Variants in GRIP1 observed in about 807,000 individuals in gnomAD.
The protein encoded by GRIP1 is glutamate receptor-interacting protein 1.
A neutral mutation model predicts 129.9 loss-of-function variants in GRIP1; 45 were observed. The observed-to-expected ratio is 0.35, with a 90% CI of 0.27 to 0.44. The LOEUF (loss-of-function observed/expected upper bound fraction) is 0.44. Among genes scored for constraint, GRIP1 ranks in the 20% least tolerant of loss-of-function variants. The probability of loss-of-function intolerance (pLI) is 1.00; values close to 1 mark genes in which losing one functional copy is unlikely to be tolerated. For missense variants in GRIP1, 1,196 were observed against 1,396.8 expected, an observed-to-expected ratio of 0.86 and a Z score of 2.29; for synonymous variants, 530 against 520.8, an observed-to-expected ratio of 1.02 and a Z score of -0.24.
chr12:66,531,235 CAAAAA>C (rs1168836647), intron 4 of GRIP1, among the ~76,000 whole-genome samples: 162 of 16,264 alleles, frequency 1.0e-2, no homozygotes, highest in South Asian at 0.023. Flanking sequence ...GACTCTGTCT[CAAAAA>C]AAAAAAAAAA....
rs1305601529 is a variant in GRIP1 at position 66,633,275 on chromosome 12, A to T, written c.56-36348T>A. 2.1e-5 allele frequency among the ~76,000 whole-genome samples: 3 copies of T among 144,212 alleles called. No homozygotes were observed. The East Asian group carries it at 5.9e-4, about 28-fold the overall frequency. 94.6% of individuals were successfully genotyped at this position (144,212 alleles called of 152,430 possible). On this transcript the variant is annotated intron_variant, in intron 1 of 24. Transcript: ENST00000359742. ...TATATAATATATATAAAAATATATTATATATATATTATACTATACCATACT... is the reference window on the plus strand; with the variant it reads ...TATATAATATATATAAAAATATATTTTATATATATTATACTATACCATACT...
At chr12:66,546,001 A>G (rs1384064479) in intron 2 of GRIP1, among the ~76,000 whole-genome samples, 2 of 152,198 alleles carry the variant, frequency 1.3e-5, no homozygotes, top group African/African-American at 4.8e-5. Context: ...TCAGCATAAC[A>G]AAGACATTAA....
chr12:67,023,421 C>CA (rs1264638147), intron 1 of GRIP1, among the ~76,000 whole-genome samples: 1 of 152,188 alleles, frequency 6.6e-6, no homozygotes, highest in Admixed American at 6.6e-5. Context: ...GCACTTTTAT[C>CA]AAAAAGTAGT....
chr12:66,450,800 G>T (rs1369633277), intron 11 of GRIP1, among the ~76,000 whole-genome samples: 6 of 151,926 alleles, frequency 3.9e-5, no homozygotes, highest in South Asian at 4.2e-4. Flanking sequence ...ATATGAAAAA[G>T]ATATATTGTG....
chr12:67,043,112 T>C (rs2043203436), intron 1 of GRIP1, among the ~76,000 whole-genome samples: 1 of 152,112 alleles, frequency 6.6e-6, no homozygotes, highest in Non-Finnish European at 1.5e-5. Context: ...GCTCTGCAGG[T>C]GCGAGGGACT....
intron 11 of GRIP1, among the ~76,000 whole-genome samples, chr12:66,451,506 C>G (rs1170955908): frequency 6.9e-6 from 1 of 144,136 alleles, no homozygotes; most frequent in Non-Finnish European, 1.5e-5. Context: ...TGGGCTCAAG[C>G]GATCCTTCCA....
upstream of GRIP1, among the ~76,000 whole-genome samples, chr12:66,805,139 G>C (rs2038963222): frequency 6.6e-6 from 1 of 151,974 alleles, no homozygotes; most frequent in Admixed American, 6.6e-5. Flanking sequence ...TATAAACCTA[G>C]CTCAATTGTT....
chr12:66,354,488 CACTGGGCACTGCGCCCAGCA>C (rs1273243850), intron 23 of GRIP1, among the ~76,000 whole-genome samples: 1 of 152,184 alleles, frequency 6.6e-6, no homozygotes, highest in Non-Finnish European at 1.5e-5. Flanking sequence ...GCTCTCACCG[CACTGGGCACTGCGCCCAGCA>C]GCACACTCAG....
intron 1 of GRIP1, among the ~76,000 whole-genome samples, chr12:66,747,785 CAG>C (rs1425152214): frequency 2.0e-5 from 3 of 152,194 alleles, no homozygotes; most frequent in South Asian, 2.1e-4. Flanking sequence ...GTGAAATGTA[CAG>C]AGTGTCTGGC....
In GRIP1 at chr12:66,393,169, A is replaced by ATTTTT. The variant is rs60982107; in HGVS notation, c.2130-358_2130-354dup. On this transcript the variant is annotated intron_variant, in intron 17 of 24. Coordinates refer to ENST00000359742, the MANE Select transcript of GRIP1 (RefSeq NM_001366722.1). ...CATGGAGCATCCTTTCTTTCTACAG[A>ATTTTT]TTTTTTTTTTTTTTTTTTTTTTTTT... is the stretch of plus-strand genomic sequence containing the variant. Among the ~76,000 whole-genome samples, 17 of 78,880 alleles carry ATTTTT rather than the reference A, an allele frequency of 2.2e-4. 3 individuals are homozygous for ATTTTT. The highest frequency in any genetic ancestry group is 2.7e-4 in the African/African-American group (5 of 18,512). The allele number at this position is 78,880 out of a possible 152,430, so 51.7% of individuals were successfully genotyped here. A position where few individuals can be genotyped will look rare whatever the true frequency, so the allele number is the denominator to read the frequency against.
intron 1 of GRIP1, among the ~76,000 whole-genome samples, chr12:66,709,943 C>T (rs1198748588): frequency 2.0e-5 from 3 of 151,908 alleles, no homozygotes; most frequent in Non-Finnish European, 4.4e-5. Flanking sequence ...ATATTTTTCT[C>T]ATGATTAGAC....
At chr12:66,502,554 G>T (rs762796338) in intron 7 of GRIP1, among the ~76,000 whole-genome samples, 16 of 152,206 alleles carry the variant, frequency 1.1e-4, no homozygotes, top group Non-Finnish European at 1.6e-4. Flanking sequence ...GAGGTGTTTG[G>T]GTCATGGGGG....
intron 1 of GRIP1, among the ~76,000 whole-genome samples, chr12:66,891,356 G>A (rs1767158191): frequency 6.6e-6 from 1 of 152,166 alleles, no homozygotes; most frequent in South Asian, 2.1e-4. Context: ...GAACCTAGCA[G>A]AGCAGCTACC....
intron 2 of GRIP1, among the ~76,000 whole-genome samples, chr12:66,560,278 T>C (rs2062475107): frequency 2.6e-5 from 4 of 152,002 alleles, no homozygotes; most frequent in Admixed American, 2.6e-4. Flanking sequence ...TCTTGAGTAA[T>C]ACTCCACAAG....
Position 66,684,501 on chromosome 12 carries a change from T to C in GRIP1, c.-419-54165A>G, listed in dbSNP as rs186039519. On this transcript the variant is annotated intron_variant, in intron 1 of 4. Transcript: ENST00000538373. ...GGGCTCCAGCAATGACTTCTTTGCT[T>C]TGACTCTCAAATCTCAACTGTCAGC... is the stretch of plus-strand genomic sequence containing the variant. Among the ~76,000 whole-genome samples the C allele has an allele frequency of 2.6e-5, 4 of 152,246 alleles. No individual in the cohort carries two copies. In the East Asian group the frequency reaches 7.7e-4, roughly 29 times the overall value.
chr12:66,820,690 C>T (rs2039301237), intron 1 of GRIP1, among the ~76,000 whole-genome samples: 1 of 151,792 alleles, frequency 6.6e-6, no homozygotes, highest in Non-Finnish European at 1.5e-5. Context: ...AAATGAGCTA[C>T]CAAGCCATGA....
intron 16 of GRIP1, among the ~76,000 whole-genome samples, chr12:66,401,609 T>TATATATATATATATATATATACACAC (rs1169241331): frequency 2.7e-5 from 3 of 110,188 alleles, no homozygotes; most frequent in African/African-American, 1.1e-4. Flanking sequence ...TATATATATA[T>TATATATATATATATATATATACACAC]ACACACACAC....
chr12:66,395,914 A>C (rs1032380503), intron 16 of GRIP1, among the ~76,000 whole-genome samples: 1 of 152,206 alleles, frequency 6.6e-6, no homozygotes, highest in African/African-American at 2.4e-5. Flanking sequence ...GAGAAACATC[A>C]AGATAGAGGG....
chr12:66,948,502 T>C (rs1225033040), intron 1 of GRIP1, among the ~76,000 whole-genome samples: 1 of 152,214 alleles, frequency 6.6e-6, no homozygotes, highest in African/African-American at 2.4e-5. Flanking sequence ...AAGAAGCTCA[T>C]GGACTGGCTC....
Sources: allele counts gnomAD v4.1 joint callset (sites outside exome capture counted in the v4.1 genomes callset), GRCh38; gene constraint gnomAD v4.1.1; transcripts MANE v1.5; gene names NCBI Gene and HGNC (gene_info 2026-07-23, HGNC 2026-07-21).